GALNT13: variants seen among roughly 807,000 people sequenced by gnomAD.
The protein encoded by GALNT13 is polypeptide N-acetylgalactosaminyltransferase 13, also known as UDP-GalNAc:polypeptide N-acetylgalactosaminyltransferase 13.
In GALNT13, 28 loss-of-function variants were observed where a neutral mutation model predicts 64.2. That is an observed-to-expected ratio of 0.44 (90% CI 0.32 to 0.60). The LOEUF (loss-of-function observed/expected upper bound fraction) is 0.60. Ranked by LOEUF, GALNT13 falls within the 20% of genes least tolerant of loss-of-function variation. The pLI is 0.05. For synonymous variants in GALNT13, 214 were observed against 224.6 expected (o/e 0.95, Z 0.42); for missense variants, 577 against 669.8 (o/e 0.86, Z 1.53).
At chr2:153,527,909 A>G in the GALNT13 span, among the ~76,000 whole-genome samples, 1 of 152,026 alleles carries the variant, frequency 6.6e-6, no homozygotes. Context: ...GTAACCTCAA[A>G]CCAAAGAACA....
the GALNT13 span, among the ~76,000 whole-genome samples, chr2:153,153,307 T>C: frequency 6.6e-6 from 1 of 152,104 alleles, no homozygotes; most frequent in African/African-American, 2.4e-5. Context: ...TTAGACTTTG[T>C]TGGGTGCCAT....
the GALNT13 span, among the ~76,000 whole-genome samples, chr2:153,274,078 G>A: frequency 2.0e-5 from 3 of 152,088 alleles, no homozygotes; most frequent in Non-Finnish European, 2.9e-5. Context: ...GGTGGCAGGT[G>A]CCTAATCCCA....
intron 4 of GALNT13, among the ~76,000 whole-genome samples, chr2:154,158,491 A>G (rs1684552005): frequency 6.6e-6 from 1 of 151,896 alleles, no homozygotes; most frequent in Admixed American, 6.6e-5. Context: ...TTTTGTTTTT[A>G]TTTGTTGTTG....
chr2:153,660,066 A>C, the GALNT13 span, among the ~76,000 whole-genome samples: 4 of 152,206 alleles, frequency 2.6e-5, no homozygotes, highest in African/African-American at 9.6e-5. Flanking sequence ...CATATATTAT[A>C]GTGACAAAGA....
the GALNT13 span, among the ~76,000 whole-genome samples, chr2:153,704,150 A>G: frequency 6.6e-6 from 1 of 152,126 alleles, no homozygotes; most frequent in Non-Finnish European, 1.5e-5. Context: ...TATATAAGGC[A>G]TTCCATTATT....
rs1023301828 is a variant in GALNT13 at position 153,999,190 on chromosome 2, A to G, written c.142+54551A>G. On this transcript the variant is annotated intron_variant, in intron 3 of 12. Coordinates refer to ENST00000392825, the MANE Select transcript of GALNT13 (RefSeq NM_052917.4). ...GTAAGTAAAACAGCATGGCACTGGT[A>G]CCAAAACAGATATATAGACCAATGG... Among the ~76,000 whole-genome samples the G allele has an allele frequency of 9.5e-4, 145 of 152,244 alleles. 6 individuals carry two copies. The highest frequency in any genetic ancestry group is 9.4e-3 in the Admixed American group (143 of 15,270).
intron 3 of GALNT13, among the ~76,000 whole-genome samples, chr2:153,948,625 G>T (rs979654564): frequency 3.3e-5 from 5 of 152,028 alleles, no homozygotes; most frequent in African/African-American, 1.2e-4. Flanking sequence ...TCAATCATAG[G>T]CTGGATAAAG....
chr2:153,073,436 G>A, the GALNT13 span, among the ~76,000 whole-genome samples: 2 of 151,866 alleles, frequency 1.3e-5, no homozygotes, highest in South Asian at 4.2e-4. Flanking sequence ...ATAAAAAATC[G>A]GTGAACAGTG....
intron 3 of GALNT13, among the ~76,000 whole-genome samples, chr2:154,104,036 G>T (rs1051033681): frequency 3.9e-5 from 6 of 152,126 alleles, no homozygotes; most frequent in Non-Finnish European, 7.4e-5. Flanking sequence ...GAAGTTCATG[G>T]TGAGATGTGC....
At chr2:154,055,311 A>G (rs1013769589) in intron 3 of GALNT13, among the ~76,000 whole-genome samples, 2 of 151,966 alleles carry the variant, frequency 1.3e-5, no homozygotes, top group Non-Finnish European at 2.9e-5. Context: ...TTTCTTCTTA[A>G]TTGAATCAGT....
chr2:153,530,133 T>G, the GALNT13 span, among the ~76,000 whole-genome samples: 3 of 152,084 alleles, frequency 2.0e-5, no homozygotes, highest in Admixed American at 6.5e-5. Flanking sequence ...GATATGATAT[T>G]ATATTTGAAT....
At chr2:153,123,727 T>C in the GALNT13 span, among the ~76,000 whole-genome samples, 1 of 152,222 alleles carries the variant, frequency 6.6e-6, no homozygotes, top group Non-Finnish European at 1.5e-5. Context: ...TAGCCATTAA[T>C]TTTTAAGGGC....
the GALNT13 span, among the ~76,000 whole-genome samples, chr2:153,491,542 G>A: frequency 1.8e-4 from 28 of 152,032 alleles, no homozygotes; most frequent in Non-Finnish European, 3.1e-4. Flanking sequence ...TGAAGGAAGA[G>A]CCATGCCAGA....
At chr2:153,087,439 C>A in the GALNT13 span, among the ~76,000 whole-genome samples, 1 of 151,936 alleles carries the variant, frequency 6.6e-6, no homozygotes. Flanking sequence ...CCGTAGTTTT[C>A]TTTTTGTGTT....
the GALNT13 span, among the ~76,000 whole-genome samples, chr2:153,212,184 T>C: frequency 6.6e-6 from 1 of 152,184 alleles, no homozygotes; most frequent in Non-Finnish European, 1.5e-5. Flanking sequence ...TCTAGGTACA[T>C]ATCCTTTGCT....
intron 9 of GALNT13, among the ~76,000 whole-genome samples, chr2:154,303,098 G>C (rs1484979100): frequency 6.6e-6 from 1 of 152,084 alleles, no homozygotes; most frequent in Non-Finnish European, 1.5e-5. Flanking sequence ...TAAATACTAG[G>C]GGTTTGTCCT....
the GALNT13 span, among the ~76,000 whole-genome samples, chr2:153,296,592 A>G: frequency 2.0e-5 from 3 of 152,184 alleles, no homozygotes; most frequent in Admixed American, 6.5e-5. Context: ...TGAAATTGCC[A>G]TTATACTCAA....
the GALNT13 span, among the ~76,000 whole-genome samples, chr2:153,671,332 G>A: frequency 1.6e-4 from 24 of 152,228 alleles, no homozygotes; most frequent in Non-Finnish European, 2.9e-4. Flanking sequence ...AGGGAAGCTC[G>A]TCAGACTAAC....
chr2:153,321,475 A>C, the GALNT13 span, among the ~76,000 whole-genome samples: 1 of 152,320 alleles, frequency 6.6e-6, no homozygotes, highest in South Asian at 2.1e-4. Flanking sequence ...GCACATATTA[A>C]GTTTCTTCCA....
Sources: gnomAD v4.1 joint callset for allele counts (sites outside exome capture counted in the v4.1 genomes callset) on GRCh38, gnomAD v4.1.1 for gene constraint, MANE v1.5 for transcripts, NCBI Gene and HGNC (gene_info 2026-07-23, HGNC 2026-07-21) for gene names.